Variants in CCDC91 observed in about 807,000 individuals in gnomAD.
CCDC91 encodes the protein coiled-coil domain containing 91.
A neutral mutation model predicts 63.2 loss-of-function variants in CCDC91; 48 were observed. The ratio of observed to expected loss-of-function variants is 0.76; its 90% confidence interval spans 0.60 to 0.97. The LOEUF is 0.97. Ranked by LOEUF, CCDC91 falls within the 50% of genes least tolerant of loss-of-function variation. CCDC91 has a pLI of 0.00. For missense variants in CCDC91, 500 were observed against 494.6 expected (o/e 1.01, Z -0.10); for synonymous variants, 167 against 165.8 (o/e 1.01, Z -0.06).
intron 1 of CCDC91, among the ~76,000 whole-genome samples, chr12:28,246,265 G>T (rs1388501113): frequency 1.3e-5 from 2 of 152,020 alleles, no homozygotes; most frequent in African/African-American, 4.8e-5. Context: ...AATAAATTAA[G>T]GATTGTGAGT....
At chr12:28,481,166 A>G (rs192538786) in intron 11 of CCDC91, among the ~76,000 whole-genome samples, 199 of 152,168 alleles carry the variant, frequency 1.3e-3, no homozygotes, top group Non-Finnish European at 2.5e-3. Context: ...ATTTTTAGAT[A>G]AAAACATTCC....
At chr12:28,267,327 A>G (rs11049496) in intron 3 of CCDC91, among the ~76,000 whole-genome samples, 30,362 of 151,382 alleles carry the variant, frequency 0.2, 3,993 homozygotes, top group Non-Finnish European at 0.3. Flanking sequence ...ACCTTTCTGT[A>G]GAAGTACTTA....
chr12:28,504,615 T>C (rs1938471100), intron 12 of CCDC91, among the ~76,000 whole-genome samples: 1 of 151,962 alleles, frequency 6.6e-6, no homozygotes, highest in Non-Finnish European at 1.5e-5. Context: ...GTCCAAGCTA[T>C]TATGTTTTGC....
chr12:28,533,089 G>T lies in CCDC91; in HGVS notation c.1216-15974G>T, dbSNP rs115447150. ...TAGTATGCCCTATTTGGGCACTGTT[G>T]ATTAGTTACGGTAGCCCCAGTGGCA... is the stretch of plus-strand genomic sequence containing the variant. On this transcript the variant is annotated intron_variant, in intron 12 of 12. Coordinates refer to ENST00000536442, the MANE Select transcript of CCDC91 (RefSeq NM_018318.5). Among the ~76,000 whole-genome samples the T allele has an allele frequency of 9.1e-3, 1,382 of 152,176 alleles. 29 individuals are homozygous for T. Among genetic ancestry groups the T allele is most frequent in the African/African-American group, 0.031 (1,297 of 41,556 alleles).
At chr12:28,278,394 A>G (rs2136517507) in intron 3 of CCDC91, among the ~76,000 whole-genome samples, 1 of 152,126 alleles carries the variant, frequency 6.6e-6, no homozygotes, top group South Asian at 2.1e-4. Flanking sequence ...AGATATCCAG[A>G]TTTATGCCAT....
rs192528569 is a variant in CCDC91, at chr12:28,463,343, G to T, written c.1101+10689G>T. On this transcript the variant is annotated intron_variant, in intron 11 of 12. Coordinates refer to ENST00000536442, the MANE Select transcript of CCDC91 (RefSeq NM_018318.5). ...ATGAGCCAATTATGAGAACATTGAA[G>T]TCAAAGAGACAAATTCGGATTTAAT... Among the ~76,000 whole-genome samples the T allele has an allele frequency of 4.5e-3, 692 of 152,262 alleles. 2 individuals carry two copies. The highest frequency in any genetic ancestry group is 7.5e-3 in the Non-Finnish European group (512 of 68,010).
At chr12:28,412,299 T>A (rs1407302247) in intron 8 of CCDC91, among the ~76,000 whole-genome samples, 1 of 152,206 alleles carries the variant, frequency 6.6e-6, no homozygotes, top group African/African-American at 2.4e-5. Context: ...TTCTTCCAAA[T>A]ATTATTATTG....
intron 3 of CCDC91, among the ~76,000 whole-genome samples, chr12:28,300,228 G>C (rs997070737): frequency 6.0e-5 from 9 of 151,218 alleles, no homozygotes; most frequent in African/African-American, 2.2e-4. Context: ...ATCCTCTTTG[G>C]AGTTTCTTTT....
chr12:28,532,113 CA>C (rs1941787955), intron 12 of CCDC91, among the ~76,000 whole-genome samples: 1 of 152,066 alleles, frequency 6.6e-6, no homozygotes, highest in African/African-American at 2.4e-5. Context: ...ACAACATATA[CA>C]AAAGCCTGAC....
At chr12:28,352,866 A>G (rs1384913908) in intron 6 of CCDC91, among the ~76,000 whole-genome samples, 1 of 152,186 alleles carries the variant, frequency 6.6e-6, no homozygotes, top group African/African-American at 2.4e-5. Context: ...ACTTAAAGTC[A>G]CCAACTGCAT....
intron 7 of CCDC91, among the ~76,000 whole-genome samples, chr12:28,378,917 T>G (rs1945110274): frequency 6.6e-6 from 1 of 152,048 alleles, no homozygotes; most frequent in Admixed American, 6.6e-5. Context: ...CTGTGTTTCC[T>G]GGGCTTAGCC....
In CCDC91 at chr12:28,353,596, G is replaced by T. The variant is rs141633079; in HGVS notation, c.577-8842G>T. ...GACTTCAATATTACTGTGTCTCAGA[G>T]AATAGAGAGGCTCTAGGAGAGAGGG... On this transcript the variant is annotated intron_variant, in intron 6 of 12. Coordinates refer to ENST00000536442, the MANE Select transcript of CCDC91 (RefSeq NM_018318.5). 6.3e-4 allele frequency among the ~76,000 whole-genome samples: 96 copies of T among 152,264 alleles called. 1 individual carries two copies. The highest frequency in any genetic ancestry group is 6.8e-3 in the Middle Eastern group (2 of 294).
intron 6 of CCDC91, among the ~76,000 whole-genome samples, chr12:28,346,319 T>C (rs189316059): frequency 6.6e-6 from 1 of 152,344 alleles, no homozygotes. Context: ...AAGTGTTTTC[T>C]CTATAAAAAT....
chr12:28,196,570 A>G (rs1412815789), intron 1 of CCDC91, among the ~76,000 whole-genome samples: 1 of 152,218 alleles, frequency 6.6e-6, no homozygotes, highest in African/African-American at 2.4e-5. Flanking sequence ...ACCATTGAGT[A>G]GTTAGCTGTA....
intron 8 of CCDC91, among the ~76,000 whole-genome samples, chr12:28,415,136 C>A (rs1178501597): frequency 6.6e-6 from 1 of 151,630 alleles, no homozygotes; most frequent in African/African-American, 2.4e-5. Flanking sequence ...TAAGGTTTAT[C>A]TATTTTTAAT....
intron 7 of CCDC91, among the ~76,000 whole-genome samples, chr12:28,385,920 C>T (rs1212278431): frequency 3.3e-5 from 5 of 152,150 alleles, no homozygotes; most frequent in East Asian, 1.9e-4. Flanking sequence ...CTAATTCTCA[C>T]GTGTATTAAC....
In CCDC91 at chr12:28,204,465, A is replaced by G. The variant is rs77056164; in HGVS notation, c.-15+13824A>G. Reference sequence around the variant, plus strand: ...TGGCATTTTTTGGGGAAGTAATGCTATGATATATTTCATCATTCAGAATGC... The same window carrying G: ...TGGCATTTTTTGGGGAAGTAATGCTGTGATATATTTCATCATTCAGAATGC... On this transcript the variant is annotated intron_variant, in intron 1 of 12. Coordinates refer to ENST00000536442, the MANE Select transcript of CCDC91 (RefSeq NM_018318.5). Among the ~76,000 whole-genome samples, 317 of 152,278 alleles carry G rather than the reference A, an allele frequency of 2.1e-3. 3 individuals are homozygous for G. Among genetic ancestry groups the G allele is most frequent in the African/African-American group, 7.2e-3 (298 of 41,560 alleles).
intron 5 of CCDC91, among the ~76,000 whole-genome samples, chr12:28,307,389 G>A (rs1288851168): frequency 1.3e-5 from 2 of 151,902 alleles, no homozygotes; most frequent in Non-Finnish European, 2.9e-5. Flanking sequence ...GAAAGTGTAT[G>A]TAGAGGTAGA....
intron 8 of CCDC91, among the ~76,000 whole-genome samples, chr12:28,408,290 C>G (rs988616667): frequency 2.0e-5 from 3 of 152,088 alleles, no homozygotes; most frequent in African/African-American, 7.2e-5. Flanking sequence ...CAGCTTCATC[C>G]ATGTCCCTGC....
Sources: allele counts gnomAD v4.1 joint callset (sites outside exome capture counted in the v4.1 genomes callset), GRCh38; gene constraint gnomAD v4.1.1; transcripts MANE v1.5; gene names NCBI Gene and HGNC (gene_info 2026-07-23, HGNC 2026-07-21).